Variants in PKD1L3 observed in about 807,000 individuals in gnomAD.
The protein encoded by PKD1L3 is polycystin-1-like protein 3.
Under a neutral mutation model 184.1 loss-of-function variants are expected in PKD1L3, and 239 were observed. That is an observed-to-expected ratio of 1.30 (90% CI 1.17 to 1.45). The LOEUF is 1.45. Among genes scored for constraint, PKD1L3 ranks in the 40% most tolerant of loss-of-function variants. The probability of loss-of-function intolerance (pLI) is 0.00; values close to 1 mark genes in which losing one functional copy is unlikely to be tolerated. For missense variants in PKD1L3, 2,660 were observed against 2,067.2 expected (o/e 1.29, Z -5.56); for synonymous variants, 996 against 778.8 (o/e 1.28, Z -4.64).
intron 11 of PKD1L3, among the ~76,000 whole-genome samples, chr16:71,973,979 G>A (rs886115961): frequency 1.4e-5 from 2 of 145,856 alleles, no homozygotes; most frequent in Non-Finnish European, 3.0e-5. Flanking sequence ...TCTAGCCTGG[G>A]CAACAGAGTG....
In PKD1L3 at chr16:71,980,227, T is replaced by A. The variant is rs2040097017; in HGVS notation, c.1144-93A>T. On this transcript the variant is annotated intron_variant, in intron 7 of 29. Coordinates refer to ENST00000620267, the MANE Select transcript of PKD1L3 (RefSeq NM_181536.2). ...TTGGAGAAGATTGGAAGGGGAATTT[T>A]CACAGTGTTGTAATGAAGGGTAGTA... is the stretch of plus-strand genomic sequence containing the variant. The A allele has an allele frequency of 2.8e-6, 4 of 1,436,678 alleles. No individual in the cohort carries two copies. The Admixed American group carries it at 8.5e-5, about 30-fold the overall frequency. The allele number at this position is 1,436,678 out of a possible 1,614,324, so 89.0% of individuals were successfully genotyped here.
chr16:71,975,679 T>C (rs896157348), intron 11 of PKD1L3, among the ~76,000 whole-genome samples: 2 of 152,168 alleles, frequency 1.3e-5, no homozygotes, highest in Non-Finnish European at 2.9e-5. Context: ...GATTCTACAA[T>C]TAACATCCTA....
At position 71,929,666 on chromosome 16, in the gene PKD1L3, G is replaced by T; in HGVS notation, c.5071C>A (p.Leu1691Ile). 6.5e-7 allele frequency: 1 copy of T among 1,547,442 alleles called. No individual in the cohort carries two copies. The highest frequency in any genetic ancestry group is 1.4e-5 in the African/African-American group (1 of 72,902). Residue 1691 changes from leucine (L) to isoleucine (I), a missense_variant, in exon 30 of 30, where the codon CTA becomes ATA. Transcript: ENST00000620267. ...AGCTTCTGTAGCAGTGTATCTATTA[G>T]TGCAGCTTCTTTCTGAGTATTGAAG... ...ERKSLKKEAA[L>I]IDTLLQKLSN...
At chr16:71,964,156 T>C (rs1180060420) in intron 15 of PKD1L3, among the ~76,000 whole-genome samples, 1 of 151,976 alleles carries the variant, frequency 6.6e-6, no homozygotes, top group Non-Finnish European at 1.5e-5. Flanking sequence ...ACTTCAGCCG[T>C]TCACACCCCT....
At position 71,943,550 on chromosome 16, in the gene PKD1L3, A is replaced by AC. The variant is rs1555514246; in HGVS notation, c.3859+479_3859+480insG. ...GAGACTCCGTCTCAAAAAAAAAAAA[A>AC]AAAAAAAACATAAAATCCCGCACAA... On this transcript the variant is annotated intron_variant, in intron 23 of 29. Transcript: ENST00000620267. Among the ~76,000 whole-genome samples the AC allele has an allele frequency of 5.3e-5, 8 of 151,842 alleles. No homozygotes were observed. In the East Asian group the frequency reaches 1.4e-3, roughly 26 times the overall value.
intron 21 of PKD1L3, 97 bp downstream of exon 21, chr16:71,949,686 A>T: frequency 8.9e-7 from 1 of 1,120,942 alleles, no homozygotes; most frequent in Non-Finnish European, 1.3e-6. Flanking sequence ...TGTTTATGTT[A>T]CATTGTCAAA....
chr16:71,935,637 C>G, intron 25 of PKD1L3, 119 bp from the exon 26 acceptor site: 1 of 936,512 alleles, frequency 1.1e-6, no homozygotes, highest in Admixed American at 2.6e-5. Flanking sequence ...AGGCATTTAT[C>G]AGATCTCACT....
chr16:71,979,724 C>T (rs917547331), intron 9 of PKD1L3, 62 bp downstream of exon 9: 6 of 1,451,848 alleles, frequency 4.1e-6, no homozygotes, highest in Non-Finnish European at 5.4e-6. Flanking sequence ...TACTTTCACC[C>T]AAATGCCTAC....
chr16:71,938,685 G>C (rs1007162045), intron 24 of PKD1L3, among the ~76,000 whole-genome samples: 22 of 152,228 alleles, frequency 1.4e-4, no homozygotes, highest in Non-Finnish European at 2.9e-4. Context: ...CAGATGGCAG[G>C]ATGACCTGCC....
chr16:71,987,565 G>T (rs779412765), intron 4 of PKD1L3, among the ~76,000 whole-genome samples: 30 of 151,986 alleles, frequency 2.0e-4, no homozygotes, highest in Non-Finnish European at 3.5e-4. Flanking sequence ...TAGAGACAGG[G>T]TTTCACCACC....
intron 26 of PKD1L3, 40 bp downstream of exon 26, chr16:71,935,318 T>C (rs909900795): frequency 6.6e-7 from 1 of 1,518,162 alleles, no homozygotes; most frequent in Non-Finnish European, 8.9e-7. Flanking sequence ...ACTTTAGACA[T>C]GAGGTAGGAA....
At chr16:71,974,957 A>G (rs1452180790) in intron 11 of PKD1L3, among the ~76,000 whole-genome samples, 1 of 152,144 alleles carries the variant, frequency 6.6e-6, no homozygotes, top group Non-Finnish European at 1.5e-5. Flanking sequence ...TAAATACAGA[A>G]GTGTAGCTCT....
chr16:71,944,378 A>T (rs1167686791), intron 22 of PKD1L3, among the ~76,000 whole-genome samples: 1 of 152,192 alleles, frequency 6.6e-6, no homozygotes, highest in Non-Finnish European at 1.5e-5. Context: ...TTTGTACAAT[A>T]CAGTAAAAAT....
intron 4 of PKD1L3, among the ~76,000 whole-genome samples, chr16:71,988,006 G>T (rs1424661207): frequency 2.6e-5 from 4 of 152,114 alleles, no homozygotes; most frequent in African/African-American, 9.7e-5. Flanking sequence ...TCAGGCAGTT[G>T]AAGGGAATGC....
intron 22 of PKD1L3, among the ~76,000 whole-genome samples, chr16:71,945,438 G>A (rs1005830837): frequency 6.8e-6 from 1 of 146,572 alleles, no homozygotes; most frequent in Non-Finnish European, 1.5e-5. Context: ...ATATGTATTG[G>A]GAGGCCAAGG....
chr16:71,982,278 CTTTTT>C (rs35324670), intron 6 of PKD1L3, 43 bp from the exon 7 acceptor site: 2,326 of 430,672 alleles, frequency 5.4e-3, no homozygotes, highest in East Asian at 8.5e-3. Context: ...GAATTGTTTG[CTTTTT>C]TTTTTTTTTT....
chr16:71,968,012 A>G lies in PKD1L3; in HGVS notation c.2185-5T>C. 1 of 1,549,722 alleles carries G rather than the reference A, an allele frequency of 6.5e-7. No homozygotes were observed. Among genetic ancestry groups the G allele is most frequent in the Non-Finnish European group, 8.7e-7 (1 of 1,145,256 alleles). On this transcript the variant is annotated splice_polypyrimidine_tract_variant and splice_region_variant and intron_variant, in intron 13 of 29. Transcript: ENST00000620267. ...AGCCAGGACAGTGACCTTCACCTGC[A>G]AGAAAAGCAGAACCATGCAACTTAC... is the stretch of plus-strand genomic sequence containing the variant.
At chr16:71,954,483 C>G (rs558456497) in intron 16 of PKD1L3, among the ~76,000 whole-genome samples, 182 bp from the exon 17 acceptor site, 2 of 152,090 alleles carry the variant, frequency 1.3e-5, no homozygotes, top group East Asian at 3.9e-4. Context: ...TACCATCACC[C>G]GAATGTGTCC....
In PKD1L3 at chr16:71,984,117, T is replaced by C. The variant is rs887113067; in HGVS notation, c.885A>G (p.Gln295=). 1 of 1,552,094 alleles carries C rather than the reference T, an allele frequency of 6.4e-7. No homozygotes were observed. Among genetic ancestry groups the C allele is most frequent in the Non-Finnish European group, 8.7e-7 (1 of 1,147,042 alleles). ...AAGCTTCCTGTAGTTTGTTAAGAGC[T>C]TGCAAACCATGAACTGCTCTGCTGA... ...GNFSRAVHGL[Q]ALNKLQEACE... Residue 295 remains glutamine, a synonymous_variant, in exon 6 of 30, where the codon CAA becomes CAG. Coordinates refer to ENST00000620267, the MANE Select transcript of PKD1L3 (RefSeq NM_181536.2).
Sources: gnomAD v4.1 joint callset for allele counts (sites outside exome capture counted in the v4.1 genomes callset) on GRCh38, gnomAD v4.1.1 for gene constraint, MANE v1.5 for transcripts, NCBI Gene and HGNC (gene_info 2026-07-23, HGNC 2026-07-21) for gene names.